The following CPEB3 variants were observed in gnomAD, a reference collection of about 807,000 sequenced individuals.
CPEB3 encodes the protein cytoplasmic polyadenylation element binding protein 3.
A neutral mutation model predicts 67.2 loss-of-function variants in CPEB3; 20 were observed. The observed-to-expected ratio is 0.30, with a 90% CI of 0.21 to 0.43. The LOEUF is 0.43. CPEB3 is among the 20% of genes least tolerant of loss of function. The probability of loss-of-function intolerance (pLI) is 1.00; values close to 1 mark genes in which losing one functional copy is unlikely to be tolerated. For missense variants in CPEB3, 746 were observed against 968.6 expected, an observed-to-expected ratio of 0.77 and a Z score of 3.05; for synonymous variants, 376 against 393.1, an observed-to-expected ratio of 0.96 and a Z score of 0.51.
chr10:92,151,339 T>C (rs1438835179), intron 4 of CPEB3, among the ~76,000 whole-genome samples: 1 of 152,180 alleles, frequency 6.6e-6, no homozygotes, highest in Admixed American at 6.5e-5. Context: ...GTCTTGTAAG[T>C]AGCTCAGCAA....
At chr10:92,159,159 A>G (rs1847347502) in intron 4 of CPEB3, among the ~76,000 whole-genome samples, 1 of 152,118 alleles carries the variant, frequency 6.6e-6, no homozygotes, top group African/African-American at 2.4e-5. Context: ...GCACTTTGAA[A>G]GGCTGAGACA....
chr10:92,235,849 C>T (rs1017880558), intron 2 of CPEB3, among the ~76,000 whole-genome samples: 3 of 152,342 alleles, frequency 2.0e-5, no homozygotes, highest in South Asian at 2.1e-4. Flanking sequence ...AGAATAGGTG[C>T]TCTCAAAAGT....
At chr10:92,148,577 A>T (rs1179929268) in intron 4 of CPEB3, among the ~76,000 whole-genome samples, 1 of 152,116 alleles carries the variant, frequency 6.6e-6, no homozygotes, top group African/African-American at 2.4e-5. Flanking sequence ...AACCCTATTA[A>T]ATTGTAAACT....
intron 2 of CPEB3, among the ~76,000 whole-genome samples, chr10:92,221,006 T>C (rs9787608): frequency 0.35 from 53,703 of 152,058 alleles, 10,707 homozygotes; most frequent in African/African-American, 0.53. Flanking sequence ...CCCAGCTCTA[T>C]TTTCCACTCC....
chr10:92,116,732 C>G (rs1182320740), intron 6 of CPEB3, among the ~76,000 whole-genome samples: 3 of 152,154 alleles, frequency 2.0e-5, no homozygotes, highest in Non-Finnish European at 4.4e-5. Context: ...CCAAGCCAGT[C>G]TATGAAAGCA....
chr10:92,257,775 G>C (rs974457969), intron 1 of CPEB3, among the ~76,000 whole-genome samples: 1 of 148,804 alleles, frequency 6.7e-6, no homozygotes, highest in Non-Finnish European at 1.5e-5. Context: ...TGTCACCCAG[G>C]ATGGAGTGCA....
intron 2 of CPEB3, among the ~76,000 whole-genome samples, chr10:92,233,480 T>G (rs993691515): frequency 6.8e-6 from 1 of 146,748 alleles, no homozygotes; most frequent in Non-Finnish European, 1.5e-5. Context: ...GATGTTGCAG[T>G]GAGCCAAGAT....
At chr10:92,133,391 C>T (rs753103562) in intron 6 of CPEB3, among the ~76,000 whole-genome samples, 1 of 152,170 alleles carries the variant, frequency 6.6e-6, no homozygotes, top group Non-Finnish European at 1.5e-5. Context: ...CTATAAACAC[C>T]TCTACACAAA....
rs952257402 is a variant in CPEB3 at position 92,268,406 on chromosome 10, T to C, written c.-12+22520A>G. On this transcript the variant is annotated intron_variant, in intron 1 of 9. Transcript: ENST00000265997. ...ACTTTGGGAGGCCGGGGCAGGAAGA[T>C]TGCTTGAGTCCAAGAGTTCAAGACC... is the stretch of plus-strand genomic sequence containing the variant. Among the ~76,000 whole-genome samples the C allele has an allele frequency of 1.8e-4, 27 of 152,198 alleles. No individual in the cohort carries two copies. The South Asian group carries it at 2.1e-3, about 12-fold the overall frequency.
chr10:92,091,809 G>C, intron 8 of CPEB3, 21 bp downstream of exon 8: 1 of 1,396,716 alleles, frequency 7.2e-7, no homozygotes, highest in Non-Finnish European at 1.0e-6. Context: ...TTGTTGTTGT[G>C]GTATTACTAT....
chr10:92,104,456 G>A (rs1428421283), intron 7 of CPEB3, among the ~76,000 whole-genome samples: 1 of 147,656 alleles, frequency 6.8e-6, no homozygotes, highest in Non-Finnish European at 1.5e-5. Context: ...GCACGATCTC[G>A]GCTCACTGCA....
At chr10:92,264,681 A>C (rs1217671193) in intron 1 of CPEB3, among the ~76,000 whole-genome samples, 4 of 149,654 alleles carry the variant, frequency 2.7e-5, no homozygotes, top group Non-Finnish European at 5.9e-5. Context: ...ACGCCACTGC[A>C]CTCCAGCCTG....
At chr10:92,116,473 AT>A (rs1823075855) in intron 6 of CPEB3, among the ~76,000 whole-genome samples, 1 of 151,980 alleles carries the variant, frequency 6.6e-6, no homozygotes, top group Non-Finnish European at 1.5e-5. Context: ...CAGATGTAGT[AT>A]TATTTTCTGA....
At chr10:92,262,616 G>C (rs187631080) in intron 1 of CPEB3, among the ~76,000 whole-genome samples, 9 of 152,130 alleles carry the variant, frequency 5.9e-5, no homozygotes, top group South Asian at 4.2e-4. Flanking sequence ...GGAGGCTGAG[G>C]GGGGAGGATT....
intron 7 of CPEB3, among the ~76,000 whole-genome samples, chr10:92,092,830 C>T (rs1843679663): frequency 6.6e-6 from 1 of 150,816 alleles, no homozygotes; most frequent in Non-Finnish European, 1.5e-5. Context: ...CTGATTTTGA[C>T]AAATGAGGCT....
At chr10:92,179,622 T>C (rs1311688595) in intron 4 of CPEB3, among the ~76,000 whole-genome samples, 1 of 152,216 alleles carries the variant, frequency 6.6e-6, no homozygotes, top group Middle Eastern at 3.2e-3. Flanking sequence ...ACCTTTCATT[T>C]AGAAGTTAGA....
intron 9 of CPEB3, among the ~76,000 whole-genome samples, chr10:92,059,920 G>A (rs1489402628): frequency 7.1e-6 from 1 of 141,838 alleles, no homozygotes; most frequent in Non-Finnish European, 1.5e-5. Flanking sequence ...TCGCGCCACT[G>A]TAATCCAGCC....
intron 7 of CPEB3, among the ~76,000 whole-genome samples, chr10:92,104,544 G>GC (rs1212712923): frequency 6.6e-6 from 1 of 151,802 alleles, no homozygotes; most frequent in Admixed American, 6.6e-5. Context: ...CTGCCACCAC[G>GC]CCCAGCTAAT....
chr10:92,174,045 T>C (rs928018598), intron 4 of CPEB3, among the ~76,000 whole-genome samples: 3 of 152,264 alleles, frequency 2.0e-5, no homozygotes, highest in Non-Finnish European at 4.4e-5. Context: ...TACTTTTTTA[T>C]GCTACCAAGA....
Sources: allele counts gnomAD v4.1 joint callset (sites outside exome capture counted in the v4.1 genomes callset), GRCh38; gene constraint gnomAD v4.1.1; transcripts MANE v1.5; gene names NCBI Gene and HGNC (gene_info 2026-07-23, HGNC 2026-07-21).